Variants in RFC3 observed in about 807,000 individuals in gnomAD.
RFC3 encodes the protein A1 38 kDa subunit.
A neutral mutation model predicts 45.1 loss-of-function variants in RFC3; 41 were observed. That is an observed-to-expected ratio of 0.91 (90% CI 0.71 to 1.18). The LOEUF is 1.18. RFC3 is among the 50% of genes most tolerant of loss of function. The pLI is 0.00. For missense variants in RFC3, 423 were observed against 428.1 expected (o/e 0.99, Z 0.10); for synonymous variants, 149 against 144.0 (o/e 1.03, Z -0.25).
chr13:33,829,754 T>C (rs1383813836), intron 4 of RFC3, 82 bp from the exon 5 acceptor site: 1 of 1,080,604 alleles, frequency 9.3e-7, no homozygotes, highest in East Asian at 2.4e-5. Flanking sequence ...GATTTCATCC[T>C]GGATAATGAG....
intron 8 of RFC3, among the ~76,000 whole-genome samples, chr13:33,960,377 G>T (rs1398917792): frequency 6.6e-6 from 1 of 152,136 alleles, no homozygotes; most frequent in Non-Finnish European, 1.5e-5. Context: ...AAGGATAAAC[G>T]AAGAGTCTTG....
intron 8 of RFC3, among the ~76,000 whole-genome samples, chr13:33,950,327 C>T (rs913613602): frequency 4.6e-5 from 7 of 152,188 alleles, no homozygotes; most frequent in African/African-American, 1.7e-4. Context: ...ATTTTGGTGC[C>T]TCTGGCTAAG....
chr13:33,936,929 G>A (rs1275383539), intron 8 of RFC3, among the ~76,000 whole-genome samples: 2 of 152,112 alleles, frequency 1.3e-5, no homozygotes, highest in African/African-American at 2.4e-5. Context: ...CTACTGTACT[G>A]TATACTTAAA....
intron 8 of RFC3, among the ~76,000 whole-genome samples, chr13:33,924,723 GTGTGTA>G (rs767454131): frequency 1.5e-5 from 2 of 135,268 alleles, no homozygotes; most frequent in Non-Finnish European, 1.5e-5. Flanking sequence ...GTGTGTGTGT[GTGTGTA>G]TATATATATA....
At chr13:33,861,668 A>G (rs895541849) in intron 8 of RFC3, among the ~76,000 whole-genome samples, 2 of 151,994 alleles carry the variant, frequency 1.3e-5, no homozygotes, top group Admixed American at 6.6e-5. Context: ...AAACGGAAAA[A>G]TGATCACATT....
chr13:33,920,566 C>G (rs2082762814), intron 8 of RFC3, among the ~76,000 whole-genome samples: 1 of 151,708 alleles, frequency 6.6e-6, no homozygotes, highest in South Asian at 2.1e-4. Flanking sequence ...GTAGCTGGGA[C>G]CACAGGTGCA....
chr13:33,895,609 A>T (rs142261394), intron 8 of RFC3, among the ~76,000 whole-genome samples: 1 of 152,144 alleles, frequency 6.6e-6, no homozygotes, highest in Admixed American at 6.5e-5. Context: ...ATATTTCTCT[A>T]TTTCTAAAAG....
At chr13:33,841,027 G>C (rs1392392792), downstream of RFC3, among the ~76,000 whole-genome samples, 1 of 152,198 alleles carries the variant, frequency 6.6e-6, no homozygotes, top group Non-Finnish European at 1.5e-5. Context: ...TGAGCAACCA[G>C]TGAGCACCAG....
intron 2 of RFC3, among the ~76,000 whole-genome samples, chr13:33,822,976 T>C (rs2082016631): frequency 6.6e-6 from 1 of 152,084 alleles, no homozygotes; most frequent in Admixed American, 6.6e-5. Context: ...AGAAAGACAA[T>C]CTGGTAGAAA....
chr13:33,894,828 A>T (rs778571479), intron 8 of RFC3, among the ~76,000 whole-genome samples: 15 of 152,196 alleles, frequency 9.9e-5, no homozygotes, highest in Non-Finnish European at 1.8e-4. Flanking sequence ...ATGGAATAGA[A>T]TAGAGAACCA....
intron 8 of RFC3, among the ~76,000 whole-genome samples, chr13:33,903,403 G>A (rs1176985737): frequency 6.6e-6 from 1 of 152,062 alleles, no homozygotes; most frequent in Non-Finnish European, 1.5e-5. Flanking sequence ...ATAGGTCATA[G>A]TACAATGTAA....
chr13:33,838,522 T>G (rs571506762), downstream of RFC3, among the ~76,000 whole-genome samples: 83 of 152,272 alleles, frequency 5.5e-4, no homozygotes, highest in Middle Eastern at 6.8e-3. Context: ...CCAGTAGTCT[T>G]GAGGTTGTTT....
chr13:33,861,347 G>T (rs1363831405), intron 8 of RFC3, among the ~76,000 whole-genome samples: 2 of 152,134 alleles, frequency 1.3e-5, no homozygotes, highest in Non-Finnish European at 2.9e-5. Context: ...GAAAAGGGAG[G>T]CTGGGTGTGG....
At chr13:33,949,554 A>G (rs1394990219) in intron 8 of RFC3, among the ~76,000 whole-genome samples, 6 of 152,170 alleles carry the variant, frequency 3.9e-5, no homozygotes, top group African/African-American at 1.4e-4. Context: ...TCACAACTCA[A>G]ACATTTGGCT....
At chr13:33,925,108 CATAT>C (rs112868662) in intron 8 of RFC3, among the ~76,000 whole-genome samples, 4 of 147,914 alleles carry the variant, frequency 2.7e-5, no homozygotes, top group Non-Finnish European at 4.5e-5. Flanking sequence ...TATATACACG[CATAT>C]ATAGTGTACA....
intron 8 of RFC3, among the ~76,000 whole-genome samples, chr13:33,940,869 G>A (rs536996471): frequency 4.6e-5 from 7 of 152,220 alleles, no homozygotes; most frequent in African/African-American, 1.4e-4. Context: ...TCTGTAGCAC[G>A]TTACTATTAT....
At chr13:33,863,290 GTTTTCA>G (rs2082353306) in intron 8 of RFC3, among the ~76,000 whole-genome samples, 2 of 150,344 alleles carry the variant, frequency 1.3e-5, no homozygotes, top group Non-Finnish European at 3.0e-5. Flanking sequence ...AGAAAAGACT[GTTTTCA>G]TTATTTCTGT....
At chr13:33,940,761 C>T (rs1166238743) in intron 8 of RFC3, among the ~76,000 whole-genome samples, 1 of 152,138 alleles carries the variant, frequency 6.6e-6, no homozygotes. Context: ...GTTTAGAAAC[C>T]TTATAATAGT....
At chr13:33,907,452 T>C (rs1230302969) in intron 8 of RFC3, among the ~76,000 whole-genome samples, 2 of 152,078 alleles carry the variant, frequency 1.3e-5, no homozygotes, top group Non-Finnish European at 2.9e-5. Flanking sequence ...GAAAAGTTAA[T>C]TGTGAATGTA....
Sources: gnomAD v4.1 joint callset for allele counts (sites outside exome capture counted in the v4.1 genomes callset) on GRCh38, gnomAD v4.1.1 for gene constraint, MANE v1.5 for transcripts, NCBI Gene and HGNC (gene_info 2026-07-23, HGNC 2026-07-21) for gene names.